The following MSRA variants were observed in gnomAD, a reference collection of about 807,000 sequenced individuals.
MSRA encodes the protein methionine sulfoxide reductase A.
In MSRA, 54 loss-of-function variants were observed where a neutral mutation model predicts 31.3. That is an observed-to-expected ratio of 1.73 (90% CI 1.39 to 2.17). The LOEUF is 2.17. Among genes scored for constraint, MSRA ranks in the 30% most tolerant of loss-of-function variants. The pLI, the probability that MSRA is intolerant of heterozygous loss-of-function variation, is 0.00. For synonymous variants in MSRA, 169 were observed against 116.5 expected, an observed-to-expected ratio of 1.45 and a Z score of -2.90; for missense variants, 507 against 300.9, an observed-to-expected ratio of 1.69 and a Z score of -5.07.
chr8:10,317,065 G>A (rs556472249), intron 4 of MSRA, among the ~76,000 whole-genome samples: 6 of 152,296 alleles, frequency 3.9e-5, no homozygotes, highest in African/African-American at 1.4e-4. Context: ...AGAAGAATGT[G>A]GAGGTCATGC....
At chr8:10,353,490 CGG>C (rs1804319200) in intron 5 of MSRA, 14 of 398,322 alleles carry the variant, frequency 3.5e-5, no homozygotes, top group African/African-American at 8.3e-5. Flanking sequence ...ACCGGAGGCC[CGG>C]AGGCCCGTGT....
intron 1 of MSRA, among the ~76,000 whole-genome samples, chr8:10,177,457 A>G (rs1019065232): frequency 6.6e-6 from 1 of 152,002 alleles, no homozygotes; most frequent in Non-Finnish European, 1.5e-5. Context: ...TTGTTGATAC[A>G]TTTTCTTTGA....
chr8:10,332,560 C>T (rs973321094), intron 5 of MSRA, among the ~76,000 whole-genome samples: 1 of 151,470 alleles, frequency 6.6e-6, no homozygotes, highest in Non-Finnish European at 1.5e-5. Context: ...AAATAAGAAC[C>T]TGTGAAATAA....
intron 1 of MSRA, among the ~76,000 whole-genome samples, chr8:10,202,555 A>G (rs535437238): frequency 5.3e-5 from 8 of 152,324 alleles, no homozygotes; most frequent in African/African-American, 1.4e-4. Context: ...ATGAGACTCT[A>G]TGGGTACTGT....
intron 4 of MSRA, among the ~76,000 whole-genome samples, chr8:10,304,908 A>C (rs934754337): frequency 2.6e-5 from 4 of 152,226 alleles, no homozygotes; most frequent in African/African-American, 9.6e-5. Context: ...AACAAAAGTG[A>C]TTACTAAAAC....
At chr8:10,309,928 G>A (rs796119871) in intron 4 of MSRA, among the ~76,000 whole-genome samples, 63 of 152,338 alleles carry the variant, frequency 4.1e-4, no homozygotes, top group African/African-American at 1.5e-3. Context: ...GCACTGTGGA[G>A]AAGCAGGTCC....
intron 2 of MSRA, among the ~76,000 whole-genome samples, chr8:10,226,119 T>G (rs1810977821): frequency 6.6e-6 from 1 of 152,208 alleles, no homozygotes; most frequent in Non-Finnish European, 1.5e-5. Context: ...CGGCTTCTAG[T>G]GTTTTCTTCA....
chr8:10,403,782 G>A (rs970845910), intron 5 of MSRA, among the ~76,000 whole-genome samples: 2 of 152,218 alleles, frequency 1.3e-5, no homozygotes, highest in East Asian at 1.9e-4. Flanking sequence ...TGAGGCAGAC[G>A]GGCGGGACGT....
At chr8:10,255,150 G>A (rs1798110352) in intron 3 of MSRA, among the ~76,000 whole-genome samples, 1 of 152,238 alleles carries the variant, frequency 6.6e-6, no homozygotes, top group African/African-American at 2.4e-5. Context: ...CTGTAAAGCA[G>A]TTGAGGACTA....
At chr8:10,157,322 C>T (rs1242432214) in intron 1 of MSRA, among the ~76,000 whole-genome samples, 2 of 152,186 alleles carry the variant, frequency 1.3e-5, no homozygotes, top group African/African-American at 4.8e-5. Flanking sequence ...ACCCTGGCTT[C>T]TGCTTCCAGT....
intron 1 of MSRA, among the ~76,000 whole-genome samples, chr8:10,194,874 G>A (rs1807840424): frequency 6.6e-6 from 1 of 152,224 alleles, no homozygotes; most frequent in Non-Finnish European, 1.5e-5. Context: ...TTCACTGGGG[G>A]AGCAAAGACT....
chr8:10,205,320 T>C (rs1022389146), intron 1 of MSRA, among the ~76,000 whole-genome samples: 1 of 151,690 alleles, frequency 6.6e-6, no homozygotes, highest in African/African-American at 2.4e-5. Context: ...AGGGGGATGC[T>C]ACAGGTGTCT....
intron 2 of MSRA, among the ~76,000 whole-genome samples, chr8:10,214,258 C>A (rs977825249): frequency 1.3e-5 from 2 of 152,120 alleles, no homozygotes; most frequent in Non-Finnish European, 2.9e-5. Flanking sequence ...AGCAGGGGCC[C>A]GTGGCTGACA....
chr8:10,371,027 C>A (rs1161922805), intron 5 of MSRA, among the ~76,000 whole-genome samples: 1 of 152,158 alleles, frequency 6.6e-6, no homozygotes, highest in African/African-American at 2.4e-5. Flanking sequence ...TGATTCTTAC[C>A]CTAGGCACAT....
At chr8:10,111,308 C>G (rs147458008) in intron 1 of MSRA, among the ~76,000 whole-genome samples, 1 of 152,258 alleles carries the variant, frequency 6.6e-6, no homozygotes, top group East Asian at 1.9e-4. Flanking sequence ...ATAAATCATT[C>G]CATTCAGTCA....
intron 5 of MSRA, among the ~76,000 whole-genome samples, chr8:10,392,414 G>A (rs1025028241): frequency 2.0e-5 from 3 of 152,176 alleles, no homozygotes; most frequent in African/African-American, 7.2e-5. Context: ...TGGCTGGTCA[G>A]TGTCAAGGCT....
chr8:10,287,170 G>C (rs1432926927), intron 3 of MSRA, among the ~76,000 whole-genome samples: 2 of 152,118 alleles, frequency 1.3e-5, no homozygotes, highest in Admixed American at 6.5e-5. Context: ...TTACAGCCGA[G>C]TCTGCATCTA....
intron 1 of MSRA, among the ~76,000 whole-genome samples, chr8:10,185,445 C>T (rs1447809820): frequency 6.6e-6 from 1 of 152,094 alleles, no homozygotes; most frequent in African/African-American, 2.4e-5. Flanking sequence ...ATGGACAACC[C>T]TGTTTCTGCC....
At chr8:10,097,643 TTTTTAAGTCCA>T (rs1431500561) in intron 1 of MSRA, among the ~76,000 whole-genome samples, 1 of 152,210 alleles carries the variant, frequency 6.6e-6, no homozygotes, top group African/African-American at 2.4e-5. Context: ...ACTTATTTAA[TTTTTAAGTCCA>T]TTTTTTCTTG....
Sources: gnomAD v4.1 joint callset for allele counts (sites outside exome capture counted in the v4.1 genomes callset) on GRCh38, gnomAD v4.1.1 for gene constraint, MANE v1.5 for transcripts, NCBI Gene and HGNC (gene_info 2026-07-23, HGNC 2026-07-21) for gene names.